Variants in TPST1 observed in about 807,000 individuals in gnomAD.
The protein encoded by TPST1 is protein-tyrosine sulfotransferase 1.
In TPST1, 20 loss-of-function variants were observed where a neutral mutation model predicts 34.8. That is an observed-to-expected ratio of 0.57 (90% confidence interval 0.40 to 0.84). TPST1 has a LOEUF of 0.84. Ranked by LOEUF, TPST1 falls within the 40% of genes least tolerant of loss-of-function variation. TPST1 has a pLI of 0.00. For synonymous variants in TPST1, 152 were observed against 159.4 expected, an observed-to-expected ratio of 0.95 and a Z score of 0.35; for missense variants, 353 against 455.5, an observed-to-expected ratio of 0.78 and a Z score of 2.05.
intron 4 of TPST1, 194 bp downstream of exon 4, chr7:66,352,749 C>G: frequency 1.0e-6 from 1 of 985,440 alleles, no homozygotes; most frequent in Non-Finnish European, 1.2e-6. Flanking sequence ...TAATTTAACA[C>G]AGTCTTAATT....
chr7:66,221,293 T>A (rs73142233), intron 1 of TPST1, among the ~76,000 whole-genome samples: 31,388 of 151,790 alleles, frequency 0.21, 3,761 homozygotes, highest in East Asian at 0.35. Flanking sequence ...GGGAAAAAAA[T>A]TGAGGGAAAT....
chr7:66,240,240 A>G (rs1461914324), intron 1 of TPST1, 85 bp from the exon 2 acceptor site: 3 of 718,366 alleles, frequency 4.2e-6, no homozygotes, highest in African/African-American at 3.6e-5. Context: ...GCTTCTTTCT[A>G]CCTAAAATGC....
At chr7:66,303,131 A>G (rs995894624) in intron 3 of TPST1, among the ~76,000 whole-genome samples, 16 of 152,124 alleles carry the variant, frequency 1.1e-4, no homozygotes, top group Admixed American at 3.3e-4. Flanking sequence ...TTCACATTAT[A>G]TTGTGATGAT....
intron 3 of TPST1, among the ~76,000 whole-genome samples, chr7:66,341,699 A>G (rs935943165): frequency 5.3e-5 from 8 of 152,234 alleles, no homozygotes; most frequent in African/African-American, 1.9e-4. Context: ...CTTCATAGCC[A>G]AGACTTGCCA....
chr7:66,255,018 G>T (rs1355018743), intron 2 of TPST1, among the ~76,000 whole-genome samples: 5 of 151,844 alleles, frequency 3.3e-5, no homozygotes, highest in Non-Finnish European at 7.4e-5. Flanking sequence ...GTGGTGGCGG[G>T]CGCCTGTAGT....
intron 3 of TPST1, among the ~76,000 whole-genome samples, chr7:66,313,865 C>T (rs1309373849): frequency 6.6e-6 from 1 of 151,678 alleles, no homozygotes; most frequent in Non-Finnish European, 1.5e-5. Context: ...TTTTTTCCTC[C>T]CCTACCAGTA....
intron 3 of TPST1, among the ~76,000 whole-genome samples, chr7:66,345,420 G>A (rs952377904): frequency 8.2e-5 from 12 of 147,122 alleles, no homozygotes; most frequent in African/African-American, 3.0e-4. Flanking sequence ...TTGAACCTGG[G>A]AGGCAGAGGT....
intron 2 of TPST1, among the ~76,000 whole-genome samples, chr7:66,276,925 A>C (rs1183946605): frequency 1.3e-5 from 2 of 152,066 alleles, no homozygotes; most frequent in Non-Finnish European, 1.5e-5. Flanking sequence ...CAGTTTTCTC[A>C]AGCTTTTGGG....
rs1036927100 is a variant in TPST1, at chr7:66,339,690, G to A, written c.1045-12815G>A. ...GGGAAGAACAGACTTACTTGAGGGT[G>A]GGGGGTTGGAGGAAGGAGAGGATCA... On this transcript the variant is annotated intron_variant, in intron 3 of 5. Transcript: ENST00000304842. Among the ~76,000 whole-genome samples, 3 of 151,988 alleles carry A rather than the reference G, an allele frequency of 2.0e-5. No individual in the cohort carries two copies. The East Asian group carries it at 5.8e-4, about 29-fold the overall frequency.
chr7:66,356,913 T>A, intron 5 of TPST1, 42 bp downstream of exon 5: 1 of 1,607,362 alleles, frequency 6.2e-7, no homozygotes. Context: ...TGTTTCCCAC[T>A]CGGGCTCTTG....
intron 3 of TPST1, among the ~76,000 whole-genome samples, chr7:66,337,748 C>A (rs1302516200): frequency 6.6e-6 from 1 of 152,150 alleles, no homozygotes; most frequent in Non-Finnish European, 1.5e-5. Context: ...TGTTACTTTT[C>A]TTTGCAAAGT....
upstream of TPST1, among the ~76,000 whole-genome samples, chr7:66,203,384 C>T (rs754270124): frequency 8.2e-4 from 124 of 151,824 alleles, 3 homozygotes; most frequent in Admixed American, 8.0e-3. Flanking sequence ...GGATTACAGG[C>T]GTGAGCCACC....
rs1229995509 is a variant in TPST1, at chr7:66,287,180, G to A, written c.1044+471G>A. ...TCATCCATGTCCCTACAAAGGATATGAACTCATCATTTTTTATGGCTGCAT... is the reference window on the plus strand; with the variant it reads ...TCATCCATGTCCCTACAAAGGATATAAACTCATCATTTTTTATGGCTGCAT... On this transcript the variant is annotated intron_variant, in intron 3 of 5. Transcript: ENST00000304842. 7.7e-5 allele frequency among the ~76,000 whole-genome samples: 10 copies of A among 129,044 alleles called. No homozygotes were observed. The Admixed American group carries it at 8.4e-4, about 11-fold the overall frequency. 84.7% of individuals were successfully genotyped at this position (129,044 alleles called of 152,430 possible). A position where few individuals can be genotyped will look rare whatever the true frequency, so the allele number is the denominator to read the frequency against.
intron 4 of TPST1, among the ~76,000 whole-genome samples, chr7:66,355,390 G>A (rs778733): frequency 0.1 from 15,685 of 151,094 alleles, 993 homozygotes; most frequent in South Asian, 0.2. Context: ...CAGGACAATC[G>A]CTTGAACTCA....
intron 4 of TPST1, among the ~76,000 whole-genome samples, chr7:66,355,598 T>C (rs554018730): frequency 6.7e-6 from 1 of 150,340 alleles, no homozygotes; most frequent in Non-Finnish European, 1.5e-5. Context: ...CCTATCTCTA[T>C]CAAAAAATTA....
At chr7:66,223,081 A>G (rs1057105689) in intron 1 of TPST1, among the ~76,000 whole-genome samples, 9 of 151,950 alleles carry the variant, frequency 5.9e-5, no homozygotes, top group African/African-American at 2.2e-4. Flanking sequence ...ACTCTAATAC[A>G]CCAGGCTTCT....
intron 4 of TPST1, among the ~76,000 whole-genome samples, chr7:66,356,386 C>T (rs559417769): frequency 1.4e-4 from 22 of 152,300 alleles, no homozygotes; most frequent in African/African-American, 5.3e-4. Flanking sequence ...CTTCCACACC[C>T]AGCATTTTTA....
At chr7:66,298,846 G>A (rs138767533) in intron 3 of TPST1, among the ~76,000 whole-genome samples, 161 of 152,116 alleles carry the variant, frequency 1.1e-3, no homozygotes, top group African/African-American at 3.5e-3. Flanking sequence ...ATAGTAGGCC[G>A]GGTGCAGTGG....
intron 2 of TPST1, among the ~76,000 whole-genome samples, chr7:66,266,989 G>A (rs1433921218): frequency 6.6e-6 from 1 of 152,068 alleles, no homozygotes; most frequent in African/African-American, 2.4e-5. Context: ...ACTTCAGACA[G>A]TGTTGCTGTT....
Sources: gnomAD v4.1 joint callset for allele counts (sites outside exome capture counted in the v4.1 genomes callset) on GRCh38, gnomAD v4.1.1 for gene constraint, MANE v1.5 for transcripts, NCBI Gene and HGNC (gene_info 2026-07-23, HGNC 2026-07-21) for gene names.